NKD1: variants seen among roughly 807,000 people sequenced by gnomAD.
The protein encoded by NKD1 is protein naked cuticle homolog 1.
NKD1 carries 21 observed loss-of-function variants against 56.0 expected under a neutral mutation model. The ratio of observed to expected loss-of-function variants is 0.38; its 90% CI spans 0.27 to 0.54. The LOEUF (loss-of-function observed/expected upper bound fraction) is 0.54, where lower values mean the gene tolerates loss of function less well. Ranked by LOEUF, NKD1 falls within the 20% of genes least tolerant of loss-of-function variation. NKD1 has a pLI of 0.82. For synonymous variants in NKD1, 263 were observed against 265.7 expected, an observed-to-expected ratio of 0.99 and a Z score of 0.10; for missense variants, 578 against 642.7, an observed-to-expected ratio of 0.90 and a Z score of 1.09.
chr16:50,566,771 G>A (rs1172256528), intron 3 of NKD1, among the ~76,000 whole-genome samples: 9 of 152,144 alleles, frequency 5.9e-5, no homozygotes, highest in Admixed American at 5.2e-4. Context: ...TAGGTGGTTT[G>A]CCACCTCCTC....
chr16:50,583,994 C>T (rs746121757), intron 3 of NKD1, among the ~76,000 whole-genome samples: 1 of 152,254 alleles, frequency 6.6e-6, no homozygotes, highest in Non-Finnish European at 1.5e-5. Context: ...CAAAAGAGAA[C>T]AGGCAGTGCA....
In NKD1 at chr16:50,587,785, C is replaced by T. The variant is rs184852438; in HGVS notation, c.193-20509C>T. The stretch of plus-strand genomic sequence containing the variant: ...ACTGGGCAGCACTACAGGAGGTGAG[C>T]GTCTGAGCTCTGCCTCCTGTCAAAA... On this transcript the variant is annotated intron_variant, in intron 3 of 9. Transcript: ENST00000268459. 1.5e-3 allele frequency among the ~76,000 whole-genome samples: 227 copies of T among 152,282 alleles called. 1 individual carries two copies. The highest frequency in any genetic ancestry group is 5.0e-3 in the African/African-American group (208 of 41,546).
chr16:50,611,411 G>A (rs1567348633), intron 4 of NKD1, among the ~76,000 whole-genome samples: 1 of 139,702 alleles, frequency 7.2e-6, no homozygotes, highest in South Asian at 2.1e-4. Context: ...AAGTCAGGCA[G>A]CCCCTCCTCC....
At chr16:50,604,802 C>A (rs1007874884) in intron 3 of NKD1, among the ~76,000 whole-genome samples, 8 of 152,222 alleles carry the variant, frequency 5.3e-5, no homozygotes, top group African/African-American at 1.9e-4. Flanking sequence ...GTGCCAAGGG[C>A]CTGGCCCTGG....
chr16:50,630,211 T>C lies in NKD1; in HGVS notation c.488T>C (p.Ile163Thr). 1 of 1,613,766 alleles carries C rather than the reference T, an allele frequency of 6.2e-7. No homozygotes were observed. Among genetic ancestry groups the C allele is most frequent in the Non-Finnish European group, 8.5e-7 (1 of 1,179,724 alleles). ...GACATCACCAGCTTGCTGCACACCA[T>C]CTATGAGGTGGTGGACTCCTCTGTC... is the stretch of plus-strand genomic sequence containing the variant. The part of the protein sequence containing the change: ...REDITSLLHT[I>T]YEVVDSSVNH... The change falls in exon 7 of 10, where the codon ATC becomes ACC. Residue 163 changes from isoleucine (I) to threonine (T), a missense_variant. Ile to Thr is a moderately conservative substitution (Grantham distance 89). Coordinates refer to ENST00000268459, the MANE Select transcript of NKD1 (RefSeq NM_033119.5).
chr16:50,584,478 G>A (rs537016421), intron 3 of NKD1, among the ~76,000 whole-genome samples: 47 of 152,340 alleles, frequency 3.1e-4, no homozygotes, highest in African/African-American at 1.0e-3. Flanking sequence ...ATAGGTCCTA[G>A]AATTGGGCAA....
At chr16:50,592,348 G>T (rs1448001352) in intron 3 of NKD1, among the ~76,000 whole-genome samples, 2 of 152,202 alleles carry the variant, frequency 1.3e-5, no homozygotes, top group Admixed American at 1.3e-4. Flanking sequence ...TCCTAGCCCT[G>T]CCCCATGCCC....
intron 3 of NKD1, chr16:50,566,368 C>T (rs1960759466): frequency 6.0e-6 from 1 of 166,912 alleles, no homozygotes; most frequent in Non-Finnish European, 1.2e-5. Context: ...GGCAACTTGG[C>T]TCCCAGCAGT....
At chr16:50,625,030 C>T (rs966756597) in intron 5 of NKD1, among the ~76,000 whole-genome samples, 1 of 152,166 alleles carries the variant, frequency 6.6e-6, no homozygotes, top group South Asian at 2.1e-4. Flanking sequence ...CAGGGTCACA[C>T]AGCTGTGGAG....
Position 50,549,479 on chromosome 16 carries a change from G to A in NKD1, c.116G>A (p.Gly39Glu), listed in dbSNP as rs1324083775. 1 of 1,611,030 alleles carries A rather than the reference G, an allele frequency of 6.2e-7. No individual in the cohort carries two copies. The highest frequency in any genetic ancestry group is 1.1e-5 in the South Asian group (1 of 90,940). The change falls in exon 3 of 10, where the codon GGG becomes GAG. Residue 39 changes from glycine (G) to glutamate (E), a missense_variant. Physicochemically the swap from Gly to Glu is moderately conservative, Grantham distance 98. Coordinates refer to ENST00000268459, the MANE Select transcript of NKD1 (RefSeq NM_033119.5). ...WARKGIEEWI[G>E]RQRCPGGVSG... ...CGGAAGGGCATCGAGGAGTGGATCGGGAGACAGCGCTGCCCGGGCGGTGTC... is the reference window on the plus strand; with the variant it reads ...CGGAAGGGCATCGAGGAGTGGATCGAGAGACAGCGCTGCCCGGGCGGTGTC...
At chr16:50,561,754 A>G (rs892723935) in intron 3 of NKD1, among the ~76,000 whole-genome samples, 11 of 152,214 alleles carry the variant, frequency 7.2e-5, no homozygotes, top group Non-Finnish European at 1.5e-4. Context: ...TCTTCATTAA[A>G]GCAAGTCACA....
At chr16:50,617,357 G>GTCTGT (rs60489069) in intron 4 of NKD1, among the ~76,000 whole-genome samples, 16,026 of 152,090 alleles carry the variant, frequency 0.11, 2,131 homozygotes, top group African/African-American at 0.32. Context: ...GAGGAAAAAA[G>GTCTGT]TCTGTTCAGG....
intron 3 of NKD1, among the ~76,000 whole-genome samples, chr16:50,582,372 G>A (rs1567340302): frequency 6.6e-6 from 1 of 152,206 alleles, no homozygotes; most frequent in Non-Finnish European, 1.5e-5. Flanking sequence ...ATATCCTAAA[G>A]TGGACCCTCC....
chr16:50,581,078 T>A (rs556360465), intron 3 of NKD1, among the ~76,000 whole-genome samples: 2 of 152,230 alleles, frequency 1.3e-5, no homozygotes, highest in Non-Finnish European at 1.5e-5. Context: ...ATATTAAACC[T>A]GCCCCCATTT....
intron 3 of NKD1, among the ~76,000 whole-genome samples, chr16:50,594,776 C>T (rs1961439068): frequency 6.6e-6 from 1 of 151,326 alleles, no homozygotes; most frequent in Non-Finnish European, 1.5e-5. Context: ...GTGTGAGCTG[C>T]TGGTGGGGAG....
intron 3 of NKD1, among the ~76,000 whole-genome samples, chr16:50,561,393 TAA>T (rs10692410): frequency 2.3e-4 from 33 of 140,864 alleles, no homozygotes; most frequent in Non-Finnish European, 2.3e-4. Flanking sequence ...TCTACTGCTG[TAA>T]AAAAAAAAAA....
intron 3 of NKD1, among the ~76,000 whole-genome samples, chr16:50,559,958 G>A (rs1960587319): frequency 1.3e-5 from 2 of 152,192 alleles, no homozygotes; most frequent in Admixed American, 1.3e-4. Flanking sequence ...TGGGCTGGTG[G>A]GCCCCTCACT....
intron 3 of NKD1, among the ~76,000 whole-genome samples, chr16:50,594,327 A>G (rs1961429682): frequency 6.6e-6 from 1 of 152,218 alleles, no homozygotes; most frequent in African/African-American, 2.4e-5. Flanking sequence ...TCTGAGACCA[A>G]CCAGCTTGCA....
chr16:50,601,586 C>T (rs1479319040), intron 3 of NKD1, among the ~76,000 whole-genome samples: 1 of 152,228 alleles, frequency 6.6e-6, no homozygotes, highest in Non-Finnish European at 1.5e-5. Context: ...AGTGAGCTGT[C>T]TCTGAGAAGC....
Sources: gnomAD v4.1 joint callset for allele counts (sites outside exome capture counted in the v4.1 genomes callset) on GRCh38, gnomAD v4.1.1 for gene constraint, MANE v1.5 for transcripts, NCBI Gene and HGNC (gene_info 2026-07-23, HGNC 2026-07-21) for gene names.